Variants in PAM observed in about 807,000 individuals in gnomAD.
PAM encodes peptidyl-glycine alpha-amidating monooxygenase.
In PAM, 72 loss-of-function variants were observed where a neutral mutation model predicts 122.1. The observed-to-expected ratio is 0.59, with a 90% CI of 0.49 to 0.72. The LOEUF (loss-of-function observed/expected upper bound fraction) is 0.72. PAM is among the 30% of genes least tolerant of loss of function. PAM has a pLI of 0.00. For synonymous variants in PAM, 389 were observed against 404.4 expected (o/e 0.96, Z 0.46); for missense variants, 1,106 against 1,183.7 (o/e 0.93, Z 0.96).
intron 1 of PAM, among the ~76,000 whole-genome samples, chr5:102,761,468 G>A (rs776830016): frequency 6.6e-5 from 10 of 152,146 alleles, no homozygotes; most frequent in Non-Finnish European, 1.3e-4. Flanking sequence ...TACAACATAA[G>A]CAAAACAAAA....
At chr5:102,785,288 C>A (rs1760205299) in intron 1 of PAM, among the ~76,000 whole-genome samples, 1 of 152,238 alleles carries the variant, frequency 6.6e-6, no homozygotes, top group Non-Finnish European at 1.5e-5. Context: ...CCCCAGCAAT[C>A]TGTATCTTAG....
chr5:102,785,593 G>T (rs1220840957), intron 1 of PAM, among the ~76,000 whole-genome samples: 15 of 152,142 alleles, frequency 9.9e-5, no homozygotes, highest in African/African-American at 3.6e-4. Flanking sequence ...GTGAAATATG[G>T]TGACTGATTG....
At chr5:102,992,134 T>A (rs1228396695) in intron 16 of PAM, among the ~76,000 whole-genome samples, 1 of 152,140 alleles carries the variant, frequency 6.6e-6, no homozygotes, top group East Asian at 1.9e-4. Flanking sequence ...TTTCTGTGGC[T>A]TATCTGGCTG....
intron 15 of PAM, among the ~76,000 whole-genome samples, chr5:102,982,748 A>G (rs1227514456): frequency 6.6e-6 from 1 of 152,204 alleles, no homozygotes; most frequent in African/African-American, 2.4e-5. Context: ...AACCCAATCT[A>G]TAAAACTGGA....
intron 16 of PAM, 69 bp downstream of exon 16, chr5:102,990,470 T>C: frequency 8.5e-7 from 1 of 1,174,242 alleles, no homozygotes; most frequent in South Asian, 1.8e-5. Flanking sequence ...TTCACTAAAC[T>C]AAGAATAATG....
At chr5:102,770,406 G>T (rs1489671586) in intron 1 of PAM, among the ~76,000 whole-genome samples, 1 of 152,028 alleles carries the variant, frequency 6.6e-6, no homozygotes, top group Non-Finnish European at 1.5e-5. Flanking sequence ...GTACTGCGTT[G>T]AATAACAATA....
At chr5:102,942,581 T>C (rs762971640) in intron 7 of PAM, among the ~76,000 whole-genome samples, 1 of 150,992 alleles carries the variant, frequency 6.6e-6, no homozygotes, top group Non-Finnish European at 1.5e-5. Flanking sequence ...TTCCAAATTT[T>C]CTAAATTTTT....
intron 2 of PAM, chr5:102,866,866 T>C (rs1785736498): frequency 6.4e-6 from 1 of 155,266 alleles, no homozygotes; most frequent in Non-Finnish European, 1.4e-5. Context: ...TGGGTCATGG[T>C]TAATATTTCT....
intron 3 of PAM, among the ~76,000 whole-genome samples, chr5:102,870,071 A>G (rs1786882471): frequency 6.6e-6 from 1 of 152,022 alleles, no homozygotes; most frequent in African/African-American, 2.4e-5. Context: ...ATGTAAAAAC[A>G]AGGAAAGACA....
At chr5:102,987,483 T>C (rs908936736) in intron 15 of PAM, 3 of 447,374 alleles carry the variant, frequency 6.7e-6, no homozygotes, top group Non-Finnish European at 1.3e-5. Flanking sequence ...AGGGTAAATA[T>C]AGTTAACAAC....
rs1364671844 is a variant in PAM, at chr5:102,866,101, GT to G, written c.-94del. The G allele has an allele frequency of 1.8e-5, 13 of 740,596 alleles. No individual in the cohort carries two copies. The highest frequency in any genetic ancestry group is 2.4e-5 in the Non-Finnish European group (11 of 449,556). 45.9% of individuals were successfully genotyped at this position (740,596 alleles called of 1,614,324 possible). Reference sequence around the variant, plus strand: ...ACGCCCGCCGTGCCCGGGCCATGAAGTAGCGGCTGCTGGCGGCGCCGCTGCC... The same window carrying G: ...ACGCCCGCCGTGCCCGGGCCATGAAGAGCGGCTGCTGGCGGCGCCGCTGCC... On this transcript the variant is annotated 5_prime_UTR_variant, in exon 2 of 26. The change abolishes the stop of an existing upstream ORF in the 5' untranslated region. Coordinates refer to ENST00000438793, the MANE Select transcript of PAM (RefSeq NM_001177306.2).
chr5:103,025,587 C>T (rs1385500597), intron 24 of PAM, among the ~76,000 whole-genome samples: 1 of 152,002 alleles, frequency 6.6e-6, no homozygotes, highest in Admixed American at 6.6e-5. Context: ...TATCTTTTAG[C>T]AATTGGCTTA....
intron 24 of PAM, among the ~76,000 whole-genome samples, chr5:103,027,542 GTC>G (rs1785303414): frequency 6.6e-6 from 1 of 152,178 alleles, no homozygotes; most frequent in African/African-American, 2.4e-5. Context: ...AGGAAAGAGA[GTC>G]TGTCCTTTAT....
rs1784597817 is a variant in PAM at position 103,025,170 on chromosome 5, C to A, written c.2525C>A (p.Pro842His). The A allele has an allele frequency of 3.1e-6, 5 of 1,613,642 alleles. No individual in the cohort carries two copies. The highest frequency in any genetic ancestry group is 4.2e-6 in the Non-Finnish European group (5 of 1,179,684). ...GTTGAAACCAAAATGGAGAACAAACCCACCTCCTCAGAATTGCAGAAGATG... is the reference window on the plus strand; with the variant it reads ...GTTGAAACCAAAATGGAGAACAAACACACCTCCTCAGAATTGCAGAAGATG... ...AVVETKMENK[P>H]TSSELQKMQE... The change falls in exon 24 of 26, where the codon CCC becomes CAC. Residue 842 changes from proline to histidine, a missense_variant. Around this residue, in one of 3 missense-constraint regions of PAM, gnomAD observed 333 missense variants for 335.6 expected, o/e 0.99. Transcript: ENST00000438793.
intron 7 of PAM, among the ~76,000 whole-genome samples, chr5:102,930,594 A>G (rs1391887606): frequency 1.3e-5 from 2 of 152,186 alleles, no homozygotes; most frequent in Admixed American, 1.3e-4. Flanking sequence ...AGAGAGGTCA[A>G]AGGTGGGGAG....
At chr5:102,805,647 A>C (rs79221535) in intron 1 of PAM, among the ~76,000 whole-genome samples, 2,155 of 152,240 alleles carry the variant, frequency 0.014, 55 homozygotes, top group African/African-American at 0.049. Flanking sequence ...CTTGAGAATC[A>C]AAGGAAGAGG....
At chr5:102,959,224 T>C (rs958013542) in intron 12 of PAM, among the ~76,000 whole-genome samples, 7 of 152,136 alleles carry the variant, frequency 4.6e-5, no homozygotes, top group Non-Finnish European at 7.4e-5. Context: ...TTAGTGCTGA[T>C]TTCATTTTGA....
In PAM at chr5:102,862,773, C is replaced by A. The variant is rs151042954; in HGVS notation, c.-373-3050C>A. On this transcript the variant is annotated intron_variant, in intron 1 of 25. Transcript: ENST00000438793. ...ACGAGGTAGGTAATATGATTACATC[C>A]ATTTTGCAGATGAAGAAACTGAAGC... Among the ~76,000 whole-genome samples the A allele has an allele frequency of 5.8e-3, 887 of 152,252 alleles. 6 individuals carry two copies. The highest frequency in any genetic ancestry group is 7.4e-3 in the Non-Finnish European group (504 of 68,020).
rs764701703 is a variant in PAM, at chr5:103,006,824, T to A, written c.1827T>A (p.Asn609Lys). Residue 609 changes from asparagine (N) to lysine (K), a missense_variant, in exon 19 of 26, where the codon AAT becomes AAA. Physicochemically the swap from Asn to Lys is moderately conservative, Grantham distance 94 (BLOSUM62 0). This residue lies in a region of PAM where 103 missense variants were observed against 157.9 expected (regional missense o/e 0.65). Transcript: ENST00000438793. ...AGGTGTTCAAACTGGATCCAAACAA[T>A]AAAGAAGGCCCTGTATTAATCCTGG... is the stretch of plus-strand genomic sequence containing the variant. ...LHQVFKLDPNNKEGPVLILGR... is the reference protein window; with the variant it reads ...LHQVFKLDPNKKEGPVLILGR... 1 of 1,613,232 alleles carries A rather than the reference T, an allele frequency of 6.2e-7. No homozygotes were observed. Among genetic ancestry groups the A allele is most frequent in the Non-Finnish European group, 8.5e-7 (1 of 1,179,542 alleles).
Sources: allele counts gnomAD v4.1 joint callset (sites outside exome capture counted in the v4.1 genomes callset), GRCh38; gene constraint gnomAD v4.1.1; regional missense constraint gnomAD v4.1.1; transcripts MANE v1.5; gene names NCBI Gene and HGNC (gene_info 2026-07-23, HGNC 2026-07-21).